Variants in NTRK2 observed in about 807,000 individuals in gnomAD.
NTRK2 encodes neurotrophic receptor tyrosine kinase 2, also known as BDNF/NT-3 growth factors receptor.
A neutral mutation model predicts 94.5 loss-of-function variants in NTRK2; 13 were observed. The ratio of observed to expected loss-of-function variants is 0.14; its 90% CI spans 0.09 to 0.22. The LOEUF (loss-of-function observed/expected upper bound fraction) is 0.22. Among genes scored for constraint, NTRK2 ranks in the 10% least tolerant of loss-of-function variants. The pLI is 1.00. For synonymous variants in NTRK2, 372 were observed against 407.4 expected, an observed-to-expected ratio of 0.91 and a Z score of 1.05; for missense variants, 639 against 1,071.2, an observed-to-expected ratio of 0.60 and a Z score of 5.63.
At chr9:84,985,058 A>G (rs1159790776) in intron 17 of NTRK2, among the ~76,000 whole-genome samples, 2 of 152,248 alleles carry the variant, frequency 1.3e-5, no homozygotes. Context: ...TTCTTAGGAA[A>G]AGGAGATTTT....
At chr9:84,814,927 C>T in intron 12 of NTRK2, 2 of 1,060,170 alleles carry the variant, frequency 1.9e-6, no homozygotes, top group Non-Finnish European at 2.3e-6. Context: ...CTGCTATGTT[C>T]ACATGCCTGT....
At chr9:84,999,625 C>T (rs567092227) in intron 17 of NTRK2, among the ~76,000 whole-genome samples, 2 of 152,092 alleles carry the variant, frequency 1.3e-5, no homozygotes, top group Non-Finnish European at 1.5e-5. Flanking sequence ...TTTAAAAAAT[C>T]CTATGTGGAA....
chr9:84,793,655 A>G (rs996792879), intron 12 of NTRK2, among the ~76,000 whole-genome samples: 4 of 152,244 alleles, frequency 2.6e-5, no homozygotes, highest in Non-Finnish European at 4.4e-5. Flanking sequence ...GCATACATGT[A>G]GACTTACACT....
intron 17 of NTRK2, among the ~76,000 whole-genome samples, chr9:84,995,928 T>C (rs1194524821): frequency 6.6e-6 from 1 of 152,156 alleles, no homozygotes; most frequent in Non-Finnish European, 1.5e-5. Flanking sequence ...CTCAGCTAAG[T>C]CAACAGTCTC....
chr9:84,909,982 GTCAAGTC>G (rs2077190875), intron 14 of NTRK2, among the ~76,000 whole-genome samples: 1 of 152,132 alleles, frequency 6.6e-6, no homozygotes, highest in Non-Finnish European at 1.5e-5. Context: ...GCTTTTGGTT[GTCAAGTC>G]TAGGAATACT....
intron 17 of NTRK2, among the ~76,000 whole-genome samples, chr9:85,008,772 A>T (rs369982465): frequency 6.6e-6 from 1 of 152,286 alleles, no homozygotes; most frequent in East Asian, 1.9e-4. Context: ...CCACAGCGTG[A>T]ATGGTGCCCT....
At chr9:84,919,090 C>T (rs76440280) in intron 14 of NTRK2, among the ~76,000 whole-genome samples, 1 of 152,204 alleles carries the variant, frequency 6.6e-6, no homozygotes, top group African/African-American at 2.4e-5. Flanking sequence ...CGTCATACCC[C>T]TGATTGAGCA....
chr9:84,766,713 C>T (rs1419003625), intron 12 of NTRK2, among the ~76,000 whole-genome samples: 1 of 151,776 alleles, frequency 6.6e-6, no homozygotes, highest in Non-Finnish European at 1.5e-5. Flanking sequence ...ACACAACATA[C>T]ACACATTCAA....
At position 84,853,422 on chromosome 9, in the gene NTRK2, G is replaced by A. The variant is rs1248709484; in HGVS notation, c.1397-7618G>A. On this transcript the variant is annotated intron_variant, in intron 12 of 18. Transcript: ENST00000277120. ...TACTGCCTGGAGTGCTGGATTCTAA[G>A]AATTGCTCAGCTTTAAATACTGTCT... Among the ~76,000 whole-genome samples, 4 of 152,296 alleles carry A rather than the reference G, an allele frequency of 2.6e-5. No individual in the cohort carries two copies. The East Asian group carries it at 7.7e-4, about 29-fold the overall frequency.
intron 17 of NTRK2, among the ~76,000 whole-genome samples, chr9:84,993,341 A>T (rs1484720351): frequency 6.6e-6 from 1 of 152,206 alleles, no homozygotes; most frequent in Non-Finnish European, 1.5e-5. Context: ...ATCTCAACAC[A>T]GGCAGCTCCT....
intron 2 of NTRK2, among the ~76,000 whole-genome samples, chr9:84,671,221 A>G (rs2058681176): frequency 6.6e-6 from 1 of 152,094 alleles, no homozygotes; most frequent in Non-Finnish European, 1.5e-5. Flanking sequence ...GTGGGAAGGA[A>G]CTCACTATGC....
intron 12 of NTRK2, among the ~76,000 whole-genome samples, chr9:84,803,892 G>T (rs995150194): frequency 6.6e-6 from 1 of 152,142 alleles, no homozygotes; most frequent in Non-Finnish European, 1.5e-5. Context: ...TCAGGTACCT[G>T]TATTCAAGTG....
rs751119039 is a variant in NTRK2, at chr9:85,025,938, C to T, written c.*4501C>T. 4 of 232,606 alleles carry T rather than the reference C, an allele frequency of 1.7e-5. No individual in the cohort carries two copies. The highest frequency in any genetic ancestry group is 6.1e-5 in the East Asian group (1 of 16,526). 14.4% of individuals were successfully genotyped at this position (232,606 alleles called of 1,614,324 possible). The stretch of plus-strand genomic sequence containing the variant: ...GGTGGGAGGGATTTATAGTTAGAAA[C>T]GACAGTGCAGGAAGGGGTATTTTCT... On this transcript the variant is annotated 3_prime_UTR_variant, in exon 19 of 19. Coordinates refer to ENST00000277120, the MANE Select transcript of NTRK2 (RefSeq NM_006180.6).
chr9:85,017,963 A>G (rs1832414605), intron 17 of NTRK2, among the ~76,000 whole-genome samples: 1 of 152,234 alleles, frequency 6.6e-6, no homozygotes, highest in African/African-American at 2.4e-5. Context: ...GGTAAGGTTA[A>G]AAATAAGATG....
intron 17 of NTRK2, among the ~76,000 whole-genome samples, chr9:84,991,180 C>T (rs1038470184): frequency 1.3e-5 from 2 of 152,188 alleles, no homozygotes; most frequent in Non-Finnish European, 2.9e-5. Flanking sequence ...ATATGATTTT[C>T]TAGCAGAGCA....
chr9:85,002,382 G>A lies in NTRK2; in HGVS notation c.2173-17824G>A, dbSNP rs562550715. 9.8e-4 allele frequency among the ~76,000 whole-genome samples: 149 copies of A among 152,300 alleles called. 2 individuals are homozygous for A. Among genetic ancestry groups the A allele is most frequent in the African/African-American group, 3.4e-3 (140 of 41,556 alleles). ...GTTTGCATCTGGTGTGAGCTCACATGCGTGGATGCAGAAGCTTCCCAGGTG... is the reference window on the plus strand; with the variant it reads ...GTTTGCATCTGGTGTGAGCTCACATACGTGGATGCAGAAGCTTCCCAGGTG... On this transcript the variant is annotated intron_variant, in intron 17 of 18. Transcript: ENST00000277120.
intron 12 of NTRK2, chr9:84,812,255 C>T: frequency 2.8e-6 from 3 of 1,056,408 alleles, no homozygotes; most frequent in Non-Finnish European, 3.4e-6. Context: ...ATACTGCATC[C>T]TTTACATTAG....
At chr9:84,966,509 G>A (rs1825574222) in intron 17 of NTRK2, among the ~76,000 whole-genome samples, 1 of 152,156 alleles carries the variant, frequency 6.6e-6, no homozygotes, top group Non-Finnish European at 1.5e-5. Flanking sequence ...TCAGTTCACT[G>A]CAACCTCCAC....
At chr9:84,951,131 C>T (rs1389477947) in intron 16 of NTRK2, among the ~76,000 whole-genome samples, 4 of 152,210 alleles carry the variant, frequency 2.6e-5, no homozygotes, top group Non-Finnish European at 4.4e-5. Context: ...CATGGATCCA[C>T]GTGCAATTTA....
Sources: gnomAD v4.1 joint callset for allele counts (sites outside exome capture counted in the v4.1 genomes callset) on GRCh38, gnomAD v4.1.1 for gene constraint, MANE v1.5 for transcripts, NCBI Gene and HGNC (gene_info 2026-07-23, HGNC 2026-07-21) for gene names.